The following CTNND2 variants were observed in gnomAD, a reference collection of about 807,000 sequenced individuals.
The protein encoded by CTNND2 is catenin delta-2.
CTNND2 carries 22 observed loss-of-function variants against 144.4 expected under a neutral mutation model. The observed-to-expected ratio is 0.15, with a 90% confidence interval of 0.11 to 0.22. The LOEUF (loss-of-function observed/expected upper bound fraction) is 0.22, where lower values mean the gene tolerates loss of function less well. Ranked by LOEUF, CTNND2 falls within the 10% of genes least tolerant of loss-of-function variation. The probability of loss-of-function intolerance (pLI) is 1.00; values close to 1 mark genes in which losing one functional copy is unlikely to be tolerated. For missense variants in CTNND2, 1,353 were observed against 1,618.8 expected (o/e 0.84, Z 2.82); for synonymous variants, 751 against 695.6 (o/e 1.08, Z -1.25).
chr5:11,837,819 G>A (rs1794260175), intron 1 of CTNND2, among the ~76,000 whole-genome samples: 1 of 152,076 alleles, frequency 6.6e-6, no homozygotes, highest in South Asian at 2.1e-4. Context: ...GCACAAGTTT[G>A]GGTCACTAAT....
At chr5:11,442,817 TATATAATGATTATATTATAATTTTATATA>T (rs1179169594) in intron 3 of CTNND2, among the ~76,000 whole-genome samples, 2 of 143,662 alleles carry the variant, frequency 1.4e-5, no homozygotes, top group African/African-American at 5.1e-5. Context: ...TTTTATATAA[TATATAATGATTATATTATAATTTTATATA>T]ATATAATGAT....
rs1288565690 is a variant in CTNND2, at chr5:10,973,582, G to A, written c.3549C>T (p.Ser1183=). 33 of 1,614,050 alleles carry A rather than the reference G, an allele frequency of 2.0e-5. No individual in the cohort carries two copies. Among genetic ancestry groups the A allele is most frequent in the Non-Finnish European group, 2.4e-5 (28 of 1,180,026 alleles). ...TGAGACCCAGGTGCATGGTGTACTC[G>A]CTGGCGGGAGGGCGATGGTGGACCT... The part of the protein sequence containing the change: ...EDQVHHRPPA[S]EYTMHLGLKS... Residue 1183 remains serine, a synonymous_variant, in exon 22 of 22, where the codon AGC becomes AGT. Transcript: ENST00000304623. The surrounding 1 kb of genome is among the most constrained non-coding windows in gnomAD (Gnocchi z 5.6).
intron 2 of CTNND2, among the ~76,000 whole-genome samples, chr5:11,659,601 T>C (rs1201241016): frequency 6.6e-6 from 1 of 152,136 alleles, no homozygotes; most frequent in Non-Finnish European, 1.5e-5. Context: ...GGACTCCTGA[T>C]GCCTGCTCAA....
chr5:11,351,022 T>C (rs1157531844), intron 8 of CTNND2, among the ~76,000 whole-genome samples: 1 of 152,162 alleles, frequency 6.6e-6, no homozygotes, highest in African/African-American at 2.4e-5. Context: ...AGGGTCCAAG[T>C]CTCCCATCTG....
intron 12 of CTNND2, among the ~76,000 whole-genome samples, chr5:11,150,903 G>A (rs989634695): frequency 2.6e-5 from 4 of 152,160 alleles, no homozygotes; most frequent in African/African-American, 9.7e-5. Flanking sequence ...TGAGATGACA[G>A]GCGTGAGCCA....
chr5:11,346,926 A>G (rs1000113075), intron 8 of CTNND2, among the ~76,000 whole-genome samples: 2 of 139,360 alleles, frequency 1.4e-5, no homozygotes, highest in African/African-American at 5.0e-5. Context: ...TTTGTGCATA[A>G]GAAGAAATAT....
In CTNND2 at chr5:10,988,315, G is replaced by A; in HGVS notation, c.3212-73C>T. 1 of 1,576,480 alleles carries A rather than the reference G, an allele frequency of 6.3e-7. No homozygotes were observed. Among genetic ancestry groups the A allele is most frequent in the East Asian group, 2.2e-5 (1 of 44,582 alleles). On this transcript the variant is annotated intron_variant, in intron 19 of 21. Coordinates refer to ENST00000304623, the MANE Select transcript of CTNND2 (RefSeq NM_001332.4). The surrounding 1 kb of genome is among the most constrained non-coding windows in gnomAD (Gnocchi z 5.9). ...CGTGTGTGCCTTCCACACAGTCAGG[G>A]TCCTCACTATGCATGGTCCCGCATC...
At chr5:11,706,599 C>A (rs1427738914) in intron 2 of CTNND2, among the ~76,000 whole-genome samples, 2 of 152,180 alleles carry the variant, frequency 1.3e-5, no homozygotes, top group African/African-American at 4.8e-5. Flanking sequence ...CCTGCCCTGG[C>A]CCGCAGGCAT....
At chr5:11,889,317 T>C (rs925171091) in intron 1 of CTNND2, among the ~76,000 whole-genome samples, 1 of 152,214 alleles carries the variant, frequency 6.6e-6, no homozygotes, top group Admixed American at 6.5e-5. Flanking sequence ...TCTCTAAGAC[T>C]AAACTGAGTT....
Position 11,355,268 on chromosome 5 carries a change from A to G in CTNND2, c.1373-8641T>C, listed in dbSNP as rs1439169364. The stretch of plus-strand genomic sequence containing the variant: ...TGTGTTTATTTTTTCAAAATTCTCA[A>G]CAAGATACTAGAAATGCAACAGCAC... On this transcript the variant is annotated intron_variant, in intron 8 of 21. Coordinates refer to ENST00000304623, the MANE Select transcript of CTNND2 (RefSeq NM_001332.4). Among the ~76,000 whole-genome samples the G allele has an allele frequency of 2.0e-5, 3 of 152,262 alleles. No homozygotes were observed. The South Asian group carries it at 6.2e-4, about 32-fold the overall frequency.
At chr5:11,221,999 C>T (rs182809089) in intron 10 of CTNND2, among the ~76,000 whole-genome samples, 4 of 152,188 alleles carry the variant, frequency 2.6e-5, no homozygotes, top group African/African-American at 4.8e-5. Flanking sequence ...CTTCTCTAAA[C>T]GATGACATAT....
intron 2 of CTNND2, among the ~76,000 whole-genome samples, chr5:11,680,537 C>T (rs540003415): frequency 9.9e-5 from 15 of 152,284 alleles, no homozygotes; most frequent in Middle Eastern, 3.4e-3. Flanking sequence ...GAGGTTAAAA[C>T]CCTGTCTTAA....
chr5:11,336,076 G>A (rs1313252799), intron 9 of CTNND2, among the ~76,000 whole-genome samples: 1 of 152,124 alleles, frequency 6.6e-6, no homozygotes, highest in African/African-American at 2.4e-5. Flanking sequence ...AGTGGCTGAT[G>A]GGAAACCTCT....
At chr5:11,709,340 C>T (rs1785897681) in intron 2 of CTNND2, among the ~76,000 whole-genome samples, 1 of 152,204 alleles carries the variant, frequency 6.6e-6, no homozygotes, top group African/African-American at 2.4e-5. Context: ...CTAGAGTTAA[C>T]TCCAGGCCCA....
chr5:11,038,792 G>A (rs1250274735), intron 16 of CTNND2, among the ~76,000 whole-genome samples: 1 of 152,178 alleles, frequency 6.6e-6, no homozygotes, highest in Admixed American at 6.5e-5. Flanking sequence ...TTATAACCAT[G>A]CTAAGGGGTC....
At chr5:11,128,751 TA>T (rs1561349313) in intron 12 of CTNND2, among the ~76,000 whole-genome samples, 1 of 41,464 alleles carries the variant, frequency 2.4e-5, no homozygotes, top group Non-Finnish European at 3.9e-5. Flanking sequence ...TTATATATAT[TA>T]TATATAAATA....
chr5:11,096,739 T>C (rs1191874445), intron 15 of CTNND2, among the ~76,000 whole-genome samples: 1 of 151,082 alleles, frequency 6.6e-6, no homozygotes, highest in Non-Finnish European at 1.5e-5. Flanking sequence ...AAATGATAAT[T>C]GATAAAAATA....
At chr5:11,422,942 G>T (rs192192281) in intron 3 of CTNND2, among the ~76,000 whole-genome samples, 1 of 152,078 alleles carries the variant, frequency 6.6e-6, no homozygotes, top group South Asian at 2.1e-4. Context: ...TAGTATTCCC[G>T]GAAGCTTCTC....
intron 3 of CTNND2, among the ~76,000 whole-genome samples, chr5:11,420,569 G>C (rs1438888528): frequency 6.6e-6 from 1 of 152,156 alleles, no homozygotes; most frequent in Non-Finnish European, 1.5e-5. Context: ...CCCCCACTGA[G>C]CTCGGCTTTA....
Sources: allele counts gnomAD v4.1 joint callset (sites outside exome capture counted in the v4.1 genomes callset), GRCh38; gene constraint gnomAD v4.1.1; non-coding constraint Gnocchi (gnomAD v3.1); transcripts MANE v1.5; gene names NCBI Gene and HGNC (gene_info 2026-07-23, HGNC 2026-07-21).